The following CCDC134 variants were observed in gnomAD, a reference collection of about 807,000 sequenced individuals.
CCDC134 encodes the protein coiled-coil domain-containing protein 134.
CCDC134 carries 27 observed loss-of-function variants against 25.6 expected under a neutral mutation model. The observed-to-expected ratio is 1.05, with a 90% CI of 0.78 to 1.45. CCDC134 has a LOEUF of 1.45. Ranked by LOEUF, CCDC134 falls within the 40% of genes most tolerant of loss-of-function variation. The pLI, the probability that CCDC134 is intolerant of heterozygous loss-of-function variation, is 0.00. For missense variants in CCDC134, 261 were observed against 286.7 expected, an observed-to-expected ratio of 0.91 and a Z score of 0.65; for synonymous variants, 110 against 115.0, an observed-to-expected ratio of 0.96 and a Z score of 0.28.
At position 41,829,860 on chromosome 22, in the gene CCDC134, G is replaced by A. The variant is rs754331879; in HGVS notation, c.*4037G>A. Among the ~76,000 whole-genome samples, 16 of 151,580 alleles carry A rather than the reference G, an allele frequency of 1.1e-4. No individual in the cohort carries two copies. The highest frequency in any genetic ancestry group is 2.6e-4 in the Admixed American group (4 of 15,196). ...GCGATCTCGGCTCACTGCAACCCCC[G>A]CCTCCCGGGTTCAAGTGATTCTTCT... On this transcript the variant is annotated 3_prime_UTR_variant, in exon 7 of 7. Transcript: ENST00000255784.
chr22:41,824,765 G>A (rs537939914), intron 6 of CCDC134, among the ~76,000 whole-genome samples: 3 of 152,114 alleles, frequency 2.0e-5, no homozygotes, highest in South Asian at 4.1e-4. Flanking sequence ...TGTCTAAAAA[G>A]AAGAAAAGAA....
intron 6 of CCDC134, among the ~76,000 whole-genome samples, chr22:41,817,122 G>T (rs1028085388): frequency 2.6e-5 from 4 of 152,044 alleles, no homozygotes; most frequent in African/African-American, 9.7e-5. Flanking sequence ...CAGCAAGCAG[G>T]ATACTCAGCC....
intron 4 of CCDC134, among the ~76,000 whole-genome samples, chr22:41,812,349 G>A (rs1000918533): frequency 2.0e-5 from 3 of 150,236 alleles, no homozygotes; most frequent in African/African-American, 7.4e-5. Context: ...TTGAACCCGC[G>A]AGGCGGAGGT....
At chr22:41,807,856 A>G (rs2076576026) in intron 1 of CCDC134, among the ~76,000 whole-genome samples, 1 of 152,118 alleles carries the variant, frequency 6.6e-6, no homozygotes, top group Admixed American at 6.6e-5. Flanking sequence ...CCTCATCTCT[A>G]CTAAGGAAAA....
At position 41,813,810 on chromosome 22, in the gene CCDC134, C is replaced by A. The variant is rs371808841; in HGVS notation, c.552C>A (p.Ile184=). The change falls in exon 6 of 7, where the codon ATC becomes ATA. Residue 184 remains isoleucine (I), a synonymous_variant. Coordinates refer to ENST00000255784, the MANE Select transcript of CCDC134 (RefSeq NM_024821.5). The part of the protein sequence containing the change: ...KDSNFQNPFK[I]DRTEFIPSTD... Reference sequence around the variant, plus strand: ...CCAACTTCCAGAACCCATTTAAAATCGACCGCACAGAGGTGAGCTGCCAGG... The same window carrying A: ...CCAACTTCCAGAACCCATTTAAAATAGACCGCACAGAGGTGAGCTGCCAGG... The A allele has an allele frequency of 6.8e-6, 11 of 1,614,168 alleles. No individual in the cohort carries two copies. Among genetic ancestry groups the A allele is most frequent in the Non-Finnish European group, 8.5e-6 (10 of 1,180,010 alleles).
chr22:41,805,562 A>G (rs1462565779), intron 1 of CCDC134, among the ~76,000 whole-genome samples: 1 of 152,254 alleles, frequency 6.6e-6, no homozygotes, highest in East Asian at 1.9e-4. Context: ...AACTATAGAT[A>G]GCTTAAGAGA....
intron 1 of CCDC134, among the ~76,000 whole-genome samples, chr22:41,808,601 C>CTCCA (rs1486387066): frequency 6.6e-6 from 1 of 152,210 alleles, no homozygotes; most frequent in Non-Finnish European, 1.5e-5. Flanking sequence ...GGGGGCAGGG[C>CTCCA]TCCAGCCTAG....
chr22:41,806,081 A>G (rs1405951216), intron 1 of CCDC134, among the ~76,000 whole-genome samples: 1 of 152,126 alleles, frequency 6.6e-6, no homozygotes, highest in Admixed American at 6.6e-5. Context: ...GTTTTTAGAA[A>G]CTTGTATTTA....
rs536487844 is a variant in CCDC134, at chr22:41,815,862, G to T, written c.564+2040G>T. Among the ~76,000 whole-genome samples, 29 of 152,024 alleles carry T rather than the reference G, an allele frequency of 1.9e-4. No individual in the cohort carries two copies. In the South Asian group the frequency reaches 5.6e-3, roughly 29 times the overall value. ...ACAGGTTCTTGCTGTGCTGCCTAGG[G>T]TGATCTCAAACTCCTGGGCTCAAGC... On this transcript the variant is annotated intron_variant, in intron 6 of 6. Coordinates refer to ENST00000255784, the MANE Select transcript of CCDC134 (RefSeq NM_024821.5).
chr22:41,813,230 C>T, intron 4 of CCDC134, 34 bp from the exon 5 acceptor site: 1 of 1,609,874 alleles, frequency 6.2e-7, no homozygotes, highest in Non-Finnish European at 8.5e-7. Context: ...AGGAGAGCAT[C>T]TGCCCTGGCC....
intron 6 of CCDC134, among the ~76,000 whole-genome samples, chr22:41,823,422 C>T (rs979665988): frequency 8.6e-5 from 13 of 151,954 alleles, no homozygotes; most frequent in Admixed American, 3.9e-4. Context: ...GACAAGGTTT[C>T]GCTATGTTGA....
In CCDC134 at chr22:41,828,023, TA is replaced by T. The variant is rs1391794127; in HGVS notation, c.*2203del. ...AGCTTTCTTGGGGTGGCAGGGAGGC[TA>T]AAGCATACCTCAGGACAGTCAGTGG... On this transcript the variant is annotated 3_prime_UTR_variant, in exon 7 of 7. Transcript: ENST00000255784. Among the ~76,000 whole-genome samples, 3 of 152,224 alleles carry T rather than the reference TA, an allele frequency of 2.0e-5. No homozygotes were observed. Among genetic ancestry groups the T allele is most frequent in the African/African-American group, 7.2e-5 (3 of 41,462 alleles).
chr22:41,822,997 C>G (rs776046442), intron 6 of CCDC134, among the ~76,000 whole-genome samples: 2 of 152,152 alleles, frequency 1.3e-5, no homozygotes, highest in Non-Finnish European at 2.9e-5. Context: ...TCAGATCAAA[C>G]ATTTGTCACA....
rs748470126 is a variant in CCDC134 at position 41,829,759 on chromosome 22, TTTTCTTTC to T, written c.*3948_*3955del. 6.6e-6 allele frequency among the ~76,000 whole-genome samples: 1 copy of T among 152,098 alleles called. No homozygotes were observed. Among genetic ancestry groups the T allele is most frequent in the Non-Finnish European group, 1.5e-5 (1 of 68,006 alleles). On this transcript the variant is annotated 3_prime_UTR_variant, in exon 7 of 7. Coordinates refer to ENST00000255784, the MANE Select transcript of CCDC134 (RefSeq NM_024821.5). ...GTGGTTACCCAGTCTAATCCATCCC[TTTTCTTTC>T]TTTCTTTCTTTTTTTTCTTTTTTTT...
At chr22:41,815,202 T>G (rs2076616780) in intron 6 of CCDC134, among the ~76,000 whole-genome samples, 1 of 144,478 alleles carries the variant, frequency 6.9e-6, no homozygotes, top group South Asian at 2.1e-4. Flanking sequence ...TTCTTTTCTT[T>G]TCTTTTTTTT....
chr22:41,823,888 G>C (rs1215944811), intron 6 of CCDC134, among the ~76,000 whole-genome samples: 1 of 152,218 alleles, frequency 6.6e-6, no homozygotes, highest in Non-Finnish European at 1.5e-5. Flanking sequence ...AGTGGCCCTG[G>C]CCAGGAATCG....
rs35176431 is a variant in CCDC134 at position 41,828,208 on chromosome 22, TG to T, written c.*2388del. The stretch of plus-strand genomic sequence containing the variant: ...AGACCTGGGCAACTTGGGACCAGCC[TG>T]GGCTGTCTCTTGCCAGCTGTTGTTA... On this transcript the variant is annotated 3_prime_UTR_variant, in exon 7 of 7. Transcript: ENST00000255784. Among the ~76,000 whole-genome samples, 18,027 of 152,216 alleles carry T rather than the reference TG, an allele frequency of 0.12. 1,592 individuals are homozygous for T. The highest frequency in any genetic ancestry group is 0.31 in the Admixed American group (4,742 of 15,278).
At chr22:41,808,254 GA>G in intron 1 of CCDC134, among the ~76,000 whole-genome samples, 1 of 152,056 alleles carries the variant, frequency 6.6e-6, no homozygotes, top group East Asian at 1.9e-4. Flanking sequence ...GTTCCAAAGT[GA>G]GTGAGTAGCA....
chr22:41,812,888 G>A lies in CCDC134; in HGVS notation c.311-376G>A, dbSNP rs2076603976. On this transcript the variant is annotated intron_variant, in intron 4 of 6. Transcript: ENST00000255784. ...TCATGTGATACATCAGCATCTGTGT[G>A]CAGAACAACACTCACTTCTCTGGTC... 2.6e-5 allele frequency among the ~76,000 whole-genome samples: 4 copies of A among 152,232 alleles called. No homozygotes were observed. The South Asian group carries it at 8.3e-4, about 32-fold the overall frequency.
Sources: gnomAD v4.1 joint callset for allele counts (sites outside exome capture counted in the v4.1 genomes callset) on GRCh38, gnomAD v4.1.1 for gene constraint, MANE v1.5 for transcripts, NCBI Gene and HGNC (gene_info 2026-07-23, HGNC 2026-07-21) for gene names.